UTRN: variants seen among roughly 807,000 people sequenced by gnomAD.
The protein encoded by UTRN is dystrophin-related protein 1.
A neutral mutation model predicts 463.9 loss-of-function variants in UTRN; 283 were observed. That is an observed-to-expected ratio of 0.61 (90% CI 0.55 to 0.67). UTRN has a LOEUF of 0.67. Among genes scored for constraint, UTRN ranks in the 30% least tolerant of loss-of-function variants. The pLI is 0.00. For synonymous variants in UTRN, 1,442 were observed against 1,431.5 expected (o/e 1.01, Z -0.17); for missense variants, 3,922 against 4,084.3 (o/e 0.96, Z 1.08).
chr6:144,567,436 G>A (rs1349840280), intron 50 of UTRN, among the ~76,000 whole-genome samples: 1 of 152,162 alleles, frequency 6.6e-6, no homozygotes, highest in Admixed American at 6.6e-5. Flanking sequence ...AAATGGCTCT[G>A]TGGTCTTGAC....
At chr6:144,828,037 T>G (rs1780342839) in intron 68 of UTRN, among the ~76,000 whole-genome samples, 1 of 152,184 alleles carries the variant, frequency 6.6e-6, no homozygotes, top group African/African-American at 2.4e-5. Flanking sequence ...TAATTAAATT[T>G]ATGCTAATGC....
At chr6:144,305,434 A>G (rs1805638937) in intron 2 of UTRN, among the ~76,000 whole-genome samples, 1 of 152,226 alleles carries the variant, frequency 6.6e-6, no homozygotes, top group African/African-American at 2.4e-5. Flanking sequence ...TATAATATTT[A>G]ATTCCTCAAT....
intron 43 of UTRN, 45 bp from the exon 44 acceptor site, chr6:144,537,537 T>G (rs1372640196): frequency 7.0e-7 from 1 of 1,422,812 alleles, no homozygotes; most frequent in Non-Finnish European, 9.2e-7. Flanking sequence ...TTCTGCTTAA[T>G]TGGACAGTTT....
intron 2 of UTRN, among the ~76,000 whole-genome samples, chr6:144,353,438 A>G (rs1359238292): frequency 9.5e-6 from 1 of 104,964 alleles, no homozygotes; most frequent in South Asian, 3.1e-4. Flanking sequence ...TTTTTTTTTT[A>G]AATAGAAACA....
Position 144,852,828 on chromosome 6 carries a change from C to CTCTA in UTRN, c.*1835_*1838dup, listed in dbSNP as rs1277267486. ...TGCCTGTATTTGTATGCAAAATGTC[C>CTCTA]TCTATCTGCTATTAAAGAAAAGCTA... On this transcript the variant is annotated 3_prime_UTR_variant, in exon 75 of 75. Coordinates refer to ENST00000367545, the MANE Select transcript of UTRN (RefSeq NM_007124.3). 1 of 152,512 alleles carries CTCTA rather than the reference C, an allele frequency of 6.6e-6. No homozygotes were observed. Among genetic ancestry groups the CTCTA allele is most frequent in the East Asian group, 1.9e-4 (1 of 5,192 alleles). The allele number at this position is 152,512 out of a possible 1,614,324, so 9.4% of individuals were successfully genotyped here.
intron 51 of UTRN, among the ~76,000 whole-genome samples, chr6:144,637,988 T>A (rs950224560): frequency 2.0e-5 from 3 of 152,246 alleles, no homozygotes; most frequent in Non-Finnish European, 4.4e-5. Flanking sequence ...GAGACATATT[T>A]AACCTTATGC....
chr6:144,729,036 G>A (rs1225721420), intron 53 of UTRN, among the ~76,000 whole-genome samples: 1 of 152,096 alleles, frequency 6.6e-6, no homozygotes, highest in Non-Finnish European at 1.5e-5. Context: ...ATCAGTAATA[G>A]TGGTTTCTAG....
chr6:144,386,470 CAA>C (rs1477095302), intron 2 of UTRN, among the ~76,000 whole-genome samples: 1 of 151,984 alleles, frequency 6.6e-6, no homozygotes, highest in Admixed American at 6.6e-5. Flanking sequence ...AACAAACAAA[CAA>C]AAAGTATTAG....
intron 51 of UTRN, among the ~76,000 whole-genome samples, chr6:144,661,560 C>A (rs192833454): frequency 6.6e-6 from 1 of 151,998 alleles, no homozygotes; most frequent in Non-Finnish European, 1.5e-5. Context: ...TTAGAAGGGG[C>A]GGGGAAGGCA....
intron 60 of UTRN, among the ~76,000 whole-genome samples, chr6:144,781,287 T>G (rs867119207): frequency 1.3e-5 from 2 of 152,328 alleles, no homozygotes. Context: ...ACAGGTCACC[T>G]CTGTGTCAGA....
At chr6:144,521,192 AGAAGAATC>A (rs959816351) in intron 39 of UTRN, among the ~76,000 whole-genome samples, 19 of 152,314 alleles carry the variant, frequency 1.2e-4, no homozygotes, top group African/African-American at 4.6e-4. Context: ...AGGCTGAGGC[AGAAGAATC>A]GCTTGAACCT....
At chr6:144,366,041 G>A (rs990262103) in intron 2 of UTRN, among the ~76,000 whole-genome samples, 1 of 152,126 alleles carries the variant, frequency 6.6e-6, no homozygotes, top group Non-Finnish European at 1.5e-5. Context: ...CCTGGCCTGG[G>A]AATTTATTTT....
intron 48 of UTRN, among the ~76,000 whole-genome samples, chr6:144,552,298 T>A (rs1161879846): frequency 6.6e-6 from 1 of 152,166 alleles, no homozygotes; most frequent in Non-Finnish European, 1.5e-5. Flanking sequence ...TTGGCTTATT[T>A]TTACTAAATA....
chr6:144,565,589 T>C (rs1255920595), intron 50 of UTRN, among the ~76,000 whole-genome samples: 1 of 152,122 alleles, frequency 6.6e-6, no homozygotes, highest in Non-Finnish European at 1.5e-5. Context: ...AGATTTGTCA[T>C]GTTCAGAAAT....
At chr6:144,393,249 T>C (rs1411680812) in intron 2 of UTRN, among the ~76,000 whole-genome samples, 1 of 152,210 alleles carries the variant, frequency 6.6e-6, no homozygotes, top group Non-Finnish European at 1.5e-5. Flanking sequence ...TTTCTATTAA[T>C]TGAATGAGCT....
intron 53 of UTRN, among the ~76,000 whole-genome samples, chr6:144,723,218 T>A (rs939644935): frequency 6.6e-6 from 1 of 152,194 alleles, no homozygotes; most frequent in Non-Finnish European, 1.5e-5. Context: ...GAAATACTTA[T>A]TAATAGCACA....
intron 46 of UTRN, among the ~76,000 whole-genome samples, chr6:144,543,177 G>A (rs1415614931): frequency 6.6e-6 from 1 of 152,178 alleles, no homozygotes; most frequent in Non-Finnish European, 1.5e-5. Context: ...CTGGGGACTA[G>A]TTTTCTGGGT....
In UTRN at chr6:144,700,198, TGGA is replaced by T. The variant is rs1784438278; in HGVS notation, c.7769_7771del (p.Gly2590del). On this transcript the variant is annotated inframe_deletion, in exon 53 of 75. Transcript: ENST00000367545. ...AAGAGCTTAAGAAACAAATGCCTAT[TGGA>T]GGAGATGTTCCAGCCTTACAGCTCC... is the stretch of plus-strand genomic sequence containing the variant. 6.2e-7 allele frequency: 1 copy of T among 1,613,490 alleles called. No homozygotes were observed. Among genetic ancestry groups the T allele is most frequent in the Admixed American group, 1.7e-5 (1 of 59,974 alleles).
At chr6:144,815,065 TGTTAGA>T (rs1369774378) in intron 65 of UTRN, among the ~76,000 whole-genome samples, 1 of 152,230 alleles carries the variant, frequency 6.6e-6, no homozygotes, top group Non-Finnish European at 1.5e-5. Flanking sequence ...TGTTGAAGAC[TGTTAGA>T]GTCACATTAA....
Sources: allele counts gnomAD v4.1 joint callset (sites outside exome capture counted in the v4.1 genomes callset), GRCh38; gene constraint gnomAD v4.1.1; transcripts MANE v1.5; gene names NCBI Gene and HGNC (gene_info 2026-07-23, HGNC 2026-07-21).